Variants in REXO4 observed in about 807,000 individuals in gnomAD.
REXO4 encodes RNA exonuclease 4, also known as REX4 homolog, 3'-5' exonuclease.
A neutral mutation model predicts 39.9 loss-of-function variants in REXO4; 29 were observed. That is an observed-to-expected ratio of 0.73 (90% confidence interval 0.54 to 0.99). The LOEUF (loss-of-function observed/expected upper bound fraction) is 0.99. Among genes scored for constraint, REXO4 ranks in the 50% least tolerant of loss-of-function variants. The probability of loss-of-function intolerance (pLI) is 0.00; values close to 1 mark genes in which losing one functional copy is unlikely to be tolerated. For missense variants in REXO4, 524 were observed against 546.5 expected (o/e 0.96, Z 0.41); for synonymous variants, 184 against 206.2 (o/e 0.89, Z 0.92).
chr9:133,413,290 C>T (rs1028615543), intron 2 of REXO4, among the ~76,000 whole-genome samples: 4 of 152,144 alleles, frequency 2.6e-5, no homozygotes, highest in Middle Eastern at 3.4e-3. Flanking sequence ...TCAGTAGATA[C>T]GGGGTTTCGT....
intron 1 of REXO4, among the ~76,000 whole-genome samples, chr9:133,416,964 C>T (rs1405550400): frequency 1.3e-5 from 2 of 152,208 alleles, no homozygotes; most frequent in African/African-American, 4.8e-5. Flanking sequence ...TTCACTTCTA[C>T]ACAGGAATCT....
intron 1 of REXO4, among the ~76,000 whole-genome samples, chr9:133,415,261 T>C (rs587630099): frequency 1.1e-4 from 16 of 152,316 alleles, no homozygotes; most frequent in South Asian, 2.1e-4. Flanking sequence ...TGCTCCTTCA[T>C]GCATACAAAA....
At chr9:133,414,549 G>A (rs782335227) in intron 2 of REXO4, 116 bp downstream of exon 2, 34 of 911,320 alleles carry the variant, frequency 3.7e-5, no homozygotes, top group Admixed American at 1.4e-4. Flanking sequence ...AGGAACAGAC[G>A]ACATCAGGGT....
intron 2 of REXO4, 25 bp downstream of exon 2, chr9:133,414,640 C>T: frequency 6.2e-7 from 1 of 1,608,698 alleles, no homozygotes; most frequent in Non-Finnish European, 8.5e-7. Context: ...CCTCGGTTCT[C>T]AGTGGTGAGG....
intron 5 of REXO4, 108 bp downstream of exon 5, chr9:133,410,877 C>A: frequency 1.3e-6 from 1 of 792,992 alleles, no homozygotes; most frequent in Admixed American, 2.0e-5. Context: ...GTATTCCCAA[C>A]ATAGAGCACA....
In REXO4 at chr9:133,408,758, T is replaced by C; in HGVS notation, c.1074+10A>G. 1 of 1,568,324 alleles carries C rather than the reference T, an allele frequency of 6.4e-7. No homozygotes were observed. Among genetic ancestry groups the C allele is most frequent in the Non-Finnish European group, 8.8e-7 (1 of 1,141,458 alleles). The stretch of plus-strand genomic sequence containing the variant: ...AATACAGTATCTTGAGTCACACTCA[T>C]TCTAAGTACCTTTACTTGACTCTTG... On this transcript the variant is annotated intron_variant, in intron 6 of 7. Transcript: ENST00000371942.
chr9:133,411,035 T>G lies in REXO4; in HGVS notation c.949A>C (p.Met317Leu). The change falls in exon 5 of 8, where the codon ATG becomes CTG. Residue 317 changes from methionine to leucine, a missense_variant. Met to Leu is a conservative substitution (Grantham distance 15). Transcript: ENST00000371942. Reference protein sequence around the residue: ...LEVVQKEVAEMLKGRILVGHA... With the variant: ...LEVVQKEVAELLKGRILVGHA... ...CCCACTAGAATTCTGCCCTTCAGCA[T>G]CTCTGCCACTTCCTTCTGAACAACT... 1 of 1,614,152 alleles carries G rather than the reference T, an allele frequency of 6.2e-7. No individual in the cohort carries two copies. The highest frequency in any genetic ancestry group is 8.5e-7 in the Non-Finnish European group (1 of 1,180,012).
At chr9:133,409,884 G>A (rs1839121437) in intron 5 of REXO4, among the ~76,000 whole-genome samples, 1 of 152,196 alleles carries the variant, frequency 6.6e-6, no homozygotes, top group African/African-American at 2.4e-5. Flanking sequence ...CTTCAAGAAA[G>A]ACTTGAACAT....
At chr9:133,417,486 G>T in intron 1 of REXO4, 134 bp downstream of exon 1, 1 of 907,062 alleles carries the variant, frequency 1.1e-6, no homozygotes, top group Non-Finnish European at 1.7e-6. Context: ...CACCTTTCTT[G>T]TGAAAAGCTG....
intron 5 of REXO4, among the ~76,000 whole-genome samples, chr9:133,409,307 C>T (rs1554779665): frequency 6.6e-6 from 1 of 152,042 alleles, no homozygotes; most frequent in African/African-American, 2.4e-5. Context: ...GTGTCACACA[C>T]ACATGGAAAC....
intron 1 of REXO4, among the ~76,000 whole-genome samples, chr9:133,416,182 G>A (rs76478543): frequency 1.3e-5 from 2 of 152,062 alleles, no homozygotes; most frequent in Non-Finnish European, 2.9e-5. Flanking sequence ...GGTGTGTTGC[G>A]TGGTGAGAGA....
intron 7 of REXO4, among the ~76,000 whole-genome samples, chr9:133,407,285 G>C (rs376665767): frequency 6.6e-6 from 1 of 152,176 alleles, no homozygotes; most frequent in African/African-American, 2.4e-5. Context: ...CTGTGACTCA[G>C]ACACCCCTCC....
Position 133,417,646 on chromosome 9 carries a change from A to G in REXO4, c.199T>C (p.Ser67Pro), listed in dbSNP as rs1402312628. 1 of 1,613,760 alleles carries G rather than the reference A, an allele frequency of 6.2e-7. No individual in the cohort carries two copies. Among genetic ancestry groups the G allele is most frequent in the Non-Finnish European group, 8.5e-7 (1 of 1,179,886 alleles). ...TCTTGCAGCGCCTTCCAGTTTTGAG[A>G]AAAGTCTTCTGGTGCCTTTGGAGGT... ...VRPPKAPEDFSQNWKALQEWL... is the reference protein window; with the variant it reads ...VRPPKAPEDFPQNWKALQEWL... Residue 67 changes from serine to proline, a missense_variant, in exon 1 of 8, where the codon TCT becomes CCT. By Grantham distance (74) the Ser-to-Pro change is moderately conservative. Transcript: ENST00000371942.
At chr9:133,417,493 G>C (rs1839722981) in intron 1 of REXO4, 127 bp downstream of exon 1, 3 of 957,092 alleles carry the variant, frequency 3.1e-6, no homozygotes, top group African/African-American at 3.3e-5. Context: ...CTTGTGAAAA[G>C]CTGTTTACAA....
chr9:133,406,871 C>T lies in REXO4; in HGVS notation c.*82G>A. Reference sequence around the variant, plus strand: ...TCTGAAAAGGTTTCACCAGAGTTGCCACTCTGGGGAGATGTGATCTGTCCC... The same window carrying T: ...TCTGAAAAGGTTTCACCAGAGTTGCTACTCTGGGGAGATGTGATCTGTCCC... On this transcript the variant is annotated 3_prime_UTR_variant, in exon 8 of 8. Coordinates refer to ENST00000371942, the MANE Select transcript of REXO4 (RefSeq NM_020385.4). 1.3e-6 allele frequency: 2 copies of T among 1,573,254 alleles called. No homozygotes were observed. The highest frequency in any genetic ancestry group is 1.7e-6 in the Non-Finnish European group (2 of 1,158,580).
At chr9:133,409,409 T>C (rs1380322128) in intron 5 of REXO4, among the ~76,000 whole-genome samples, 1 of 152,146 alleles carries the variant, frequency 6.6e-6, no homozygotes, top group East Asian at 1.9e-4. Flanking sequence ...AAACAAAATC[T>C]TGAAATCAAG....
intron 5 of REXO4, 90 bp from the exon 6 acceptor site, chr9:133,408,932 CTTTGTGTGTGTGTGTGTGTGTGTGTGTG>C (rs1336667161): frequency 3.4e-5 from 14 of 406,562 alleles, no homozygotes; most frequent in African/African-American, 1.1e-4. Flanking sequence ...CAAGTAACAT[CTTTGTGTGTGTGTGTGTGTGTGTGTGTG>C]TGTGTGTGTG....
chr9:133,412,675 C>T, intron 3 of REXO4, 103 bp downstream of exon 3: 1 of 1,501,076 alleles, frequency 6.7e-7, no homozygotes, highest in Admixed American at 1.8e-5. Flanking sequence ...GAGGTGCTTG[C>T]CTCATTCACC....
intron 1 of REXO4, among the ~76,000 whole-genome samples, chr9:133,416,876 A>T (rs1234209446): frequency 6.6e-6 from 1 of 152,210 alleles, no homozygotes; most frequent in Middle Eastern, 3.2e-3. Context: ...CAGAGTGCAC[A>T]TTTTTAGGAG....
Sources: allele counts gnomAD v4.1 joint callset (sites outside exome capture counted in the v4.1 genomes callset), GRCh38; gene constraint gnomAD v4.1.1; transcripts MANE v1.5; gene names NCBI Gene and HGNC (gene_info 2026-07-23, HGNC 2026-07-21).